GIT2: variants seen among roughly 807,000 people sequenced by gnomAD.
GIT2 encodes ARF GTPase-activating protein GIT2.
A neutral mutation model predicts 100.3 loss-of-function variants in GIT2; 32 were observed. The ratio of observed to expected loss-of-function variants is 0.32; its 90% CI spans 0.24 to 0.43. GIT2 has a LOEUF of 0.43. Among genes scored for constraint, GIT2 ranks in the 20% least tolerant of loss-of-function variants. The probability of loss-of-function intolerance (pLI) is 1.00; values close to 1 mark genes in which losing one functional copy is unlikely to be tolerated. For synonymous variants in GIT2, 353 were observed against 364.1 expected, an observed-to-expected ratio of 0.97 and a Z score of 0.35; for missense variants, 737 against 975.1, an observed-to-expected ratio of 0.76 and a Z score of 3.25.
chr12:109,949,672 CT>C (rs1877306983), intron 14 of GIT2, among the ~76,000 whole-genome samples: 1 of 152,218 alleles, frequency 6.6e-6, no homozygotes, highest in Admixed American at 6.5e-5. Context: ...AATAATTTCA[CT>C]TTGCATTTCT....
chr12:109,951,185 C>T lies in GIT2; in HGVS notation c.1374G>A (p.Leu458=), dbSNP rs771671500. ...ATGTTACCTTTTTCTGCATAATTCTCAGCTCGTCACTCAAGTTGTTATTCA... is the reference window on the plus strand; with the variant it reads ...ATGTTACCTTTTTCTGCATAATTCTTAGCTCGTCACTCAAGTTGTTATTCA... ...MKVNNNLSDE[L]RIMQKKLQTL... The change falls in exon 14 of 20, where the codon CTG becomes CTA. Residue 458 remains leucine, a synonymous_variant. Coordinates refer to ENST00000355312, the MANE Select transcript of GIT2 (RefSeq NM_057169.5). 1 of 1,613,826 alleles carries T rather than the reference C, an allele frequency of 6.2e-7. No homozygotes were observed. The highest frequency in any genetic ancestry group is 1.3e-5 in the African/African-American group (1 of 75,030).
intron 7 of GIT2, among the ~76,000 whole-genome samples, chr12:109,974,158 G>A (rs1044034116): frequency 1.3e-5 from 2 of 152,176 alleles, no homozygotes; most frequent in African/African-American, 4.8e-5. Context: ...CTGATATGCT[G>A]CATTTTCATT....
chr12:109,985,758 C>T (rs556343064), intron 4 of GIT2, among the ~76,000 whole-genome samples: 153 of 152,080 alleles, frequency 1.0e-3, no homozygotes, highest in African/African-American at 2.9e-3. Context: ...GAGGCTGAGG[C>T]GGGTGAATCG....
intron 1 of GIT2, 197 bp downstream of exon 1, chr12:109,995,976 G>A (rs1889328050): frequency 2.1e-6 from 1 of 473,750 alleles, no homozygotes; most frequent in Non-Finnish European, 3.7e-6. Flanking sequence ...AGGGAGGGCC[G>A]CGAGGGACGG....
intron 18 of GIT2, among the ~76,000 whole-genome samples, chr12:109,935,676 G>A (rs1872775143): frequency 6.6e-6 from 1 of 152,228 alleles, no homozygotes; most frequent in African/African-American, 2.4e-5. Flanking sequence ...GATTACAGGC[G>A]TGAGCCACCG....
At chr12:109,946,665 T>C (rs576240351) in intron 15 of GIT2, among the ~76,000 whole-genome samples, 1 of 152,230 alleles carries the variant, frequency 6.6e-6, no homozygotes, top group South Asian at 2.1e-4. Flanking sequence ...AAAGCCACAC[T>C]TCCCCCACCA....
chr12:109,945,793 A>G (rs1876158168), intron 15 of GIT2, among the ~76,000 whole-genome samples: 1 of 152,226 alleles, frequency 6.6e-6, no homozygotes, highest in Non-Finnish European at 1.5e-5. Flanking sequence ...ACTGAAAAAT[A>G]ACAAAGTTGC....
chr12:109,978,391 G>C (rs1342225434), intron 7 of GIT2, among the ~76,000 whole-genome samples: 1 of 152,058 alleles, frequency 6.6e-6, no homozygotes, highest in African/African-American at 2.4e-5. Context: ...CCCAAATTTA[G>C]AGGGTTTTTT....
intron 7 of GIT2, 93 bp downstream of exon 7, chr12:109,980,859 C>T (rs1336806027): frequency 1.3e-6 from 1 of 783,806 alleles, no homozygotes; most frequent in South Asian, 1.4e-5. Flanking sequence ...TGATATGTTA[C>T]AGCAGAGGAG....
In GIT2 at chr12:109,932,227, T is replaced by C. The variant is rs1442884482; in HGVS notation, c.*751A>G. On this transcript the variant is annotated 3_prime_UTR_variant, in exon 20 of 20. Coordinates refer to ENST00000355312, the MANE Select transcript of GIT2 (RefSeq NM_057169.5). ...AGGGGTGAGGGAGAGCACCTGACAA[T>C]GGGTGGTGATGTGCGTGGAGCTCCT... 6.6e-6 allele frequency: 1 copy of C among 152,166 alleles called. No individual in the cohort carries two copies. The highest frequency in any genetic ancestry group is 2.4e-5 in the African/African-American group (1 of 41,426). 9.4% of individuals were successfully genotyped at this position (152,166 alleles called of 1,614,324 possible).
chr12:109,991,841 G>A, intron 1 of GIT2, 81 bp from the exon 2 acceptor site: 4 of 1,295,310 alleles, frequency 3.1e-6, no homozygotes, highest in Non-Finnish European at 4.4e-6. Context: ...ACTGAAGTTT[G>A]GTTTGTCAGA....
chr12:109,977,228 T>C (rs1459294630), intron 7 of GIT2, among the ~76,000 whole-genome samples: 1 of 151,924 alleles, frequency 6.6e-6, no homozygotes, highest in Non-Finnish European at 1.5e-5. Flanking sequence ...TGAGAAAAAA[T>C]AATAATAATA....
In GIT2 at chr12:109,942,418, C is replaced by T. The variant is rs377636114; in HGVS notation, c.1731+2842G>A. ...TCCTGGATCACTGTAACTTCTGCCT[C>T]GGCCTCCCAGGTTCAAGTGATTCTC... On this transcript the variant is annotated intron_variant, in intron 16 of 19. Coordinates refer to ENST00000355312, the MANE Select transcript of GIT2 (RefSeq NM_057169.5). Among the ~76,000 whole-genome samples, 24 of 152,204 alleles carry T rather than the reference C, an allele frequency of 1.6e-4. No individual in the cohort carries two copies. The East Asian group carries it at 3.7e-3, about 23-fold the overall frequency.
chr12:109,976,281 T>C (rs1310950989), intron 7 of GIT2, among the ~76,000 whole-genome samples: 1 of 149,568 alleles, frequency 6.7e-6, no homozygotes, highest in Non-Finnish European at 1.5e-5. Flanking sequence ...CCCTACTAGA[T>C]AATTTTTTTT....
At chr12:109,999,555 T>C (rs1309912652), upstream of GIT2, 1 of 619,956 alleles carries the variant, frequency 1.6e-6, no homozygotes, top group Non-Finnish European at 2.3e-6. This position sits in a 1 kb window ranked among gnomAD's most constrained non-coding sequence, Gnocchi z 4.3. Flanking sequence ...CCCGACCGGC[T>C]CAGCCGGCCG....
chr12:109,964,607 G>A (rs1303136407), intron 9 of GIT2, among the ~76,000 whole-genome samples: 2 of 140,686 alleles, frequency 1.4e-5, no homozygotes, highest in African/African-American at 2.6e-5. Context: ...GCCTCAGAGG[G>A]TGTTAATCTA....
At chr12:109,968,876 T>C (rs1180533038) in intron 7 of GIT2, among the ~76,000 whole-genome samples, 1 of 151,972 alleles carries the variant, frequency 6.6e-6, no homozygotes, top group Non-Finnish European at 1.5e-5. Flanking sequence ...CGTGCACTGC[T>C]ACACCCGGCT....
At position 109,930,645 on chromosome 12, in the gene GIT2, G is replaced by C. The variant is rs1306393745; in HGVS notation, c.*2333C>G. 1 of 152,196 alleles carries C rather than the reference G, an allele frequency of 6.6e-6. No homozygotes were observed. Among genetic ancestry groups the C allele is most frequent in the Non-Finnish European group, 1.5e-5 (1 of 68,050 alleles). 9.4% of individuals were successfully genotyped at this position (152,196 alleles called of 1,614,324 possible). On this transcript the variant is annotated 3_prime_UTR_variant, in exon 20 of 20. Transcript: ENST00000355312. The stretch of plus-strand genomic sequence containing the variant: ...CCGTGGGCTAACCGAGCACTCTTCT[G>C]ACATATTCTTACAACTGGAAATGCT...
chr12:109,989,162 C>T (rs1287060884), intron 3 of GIT2, 94 bp from the exon 4 acceptor site: 5 of 778,888 alleles, frequency 6.4e-6, no homozygotes, highest in South Asian at 4.3e-5. Flanking sequence ...TGACCCACAT[C>T]CCCCACTTGA....
Sources: allele counts gnomAD v4.1 joint callset (sites outside exome capture counted in the v4.1 genomes callset), GRCh38; gene constraint gnomAD v4.1.1; non-coding constraint Gnocchi (gnomAD v3.1); transcripts MANE v1.5; gene names NCBI Gene and HGNC (gene_info 2026-07-23, HGNC 2026-07-21).